The following CACNB4 variants were observed in gnomAD, a reference collection of about 807,000 sequenced individuals.
The protein encoded by CACNB4 is calcium voltage-gated channel auxiliary subunit beta 4.
CACNB4 carries 32 observed loss-of-function variants against 71.2 expected under a neutral mutation model. That is an observed-to-expected ratio of 0.45 (90% CI 0.34 to 0.60). CACNB4 has a LOEUF of 0.60. Ranked by LOEUF, CACNB4 falls within the 20% of genes least tolerant of loss-of-function variation. The pLI, the probability that CACNB4 is intolerant of heterozygous loss-of-function variation, is 0.01. For synonymous variants in CACNB4, 231 were observed against 236.9 expected (o/e 0.97, Z 0.23); for missense variants, 464 against 647.9 (o/e 0.72, Z 3.08).
At chr2:151,842,703 AC>A (rs1413718171) in intron 12 of CACNB4, among the ~76,000 whole-genome samples, 1 of 151,864 alleles carries the variant, frequency 6.6e-6, no homozygotes, top group Non-Finnish European at 1.5e-5. Flanking sequence ...TATGACAAAA[AC>A]CCACGTGTAT....
At chr2:152,036,763 A>ACACAAC (rs1684618610) in intron 2 of CACNB4, among the ~76,000 whole-genome samples, 1 of 152,140 alleles carries the variant, frequency 6.6e-6, no homozygotes, top group Admixed American at 6.5e-5. Context: ...CCATGTTTAG[A>ACACAAC]GTATTCTGTC....
At chr2:151,928,615 A>G (rs2099860846) in intron 2 of CACNB4, among the ~76,000 whole-genome samples, 2 of 152,198 alleles carry the variant, frequency 1.3e-5, no homozygotes, top group African/African-American at 4.8e-5. Context: ...TTCGTTTGGT[A>G]AATAGTTCCA....
chr2:151,948,379 G>A lies in CACNB4; in HGVS notation c.148-65009C>T, dbSNP rs2099866087. ...ACCTGAAGGTCCTAAAAACAGTCCA[G>A]ACCAGGTGCAGTGGTTCATGCCTGT... On this transcript the variant is annotated intron_variant, in intron 2 of 13. Coordinates refer to ENST00000539935, the MANE Select transcript of CACNB4 (RefSeq NM_000726.5). 2.6e-5 allele frequency among the ~76,000 whole-genome samples: 4 copies of A among 152,326 alleles called. No individual in the cohort carries two copies. The South Asian group carries it at 8.3e-4, about 32-fold the overall frequency.
chr2:151,882,052 TG>T (rs1441437329), intron 3 of CACNB4, among the ~76,000 whole-genome samples: 1 of 151,914 alleles, frequency 6.6e-6, no homozygotes, highest in Non-Finnish European at 1.5e-5. Flanking sequence ...AGCTATTTTT[TG>T]TATATTTAGT....
At chr2:152,009,107 C>T (rs1485203016) in intron 2 of CACNB4, among the ~76,000 whole-genome samples, 1 of 151,504 alleles carries the variant, frequency 6.6e-6, no homozygotes, top group Non-Finnish European at 1.5e-5. Context: ...GGGAGGATCG[C>T]TTGAGCCCAG....
At chr2:152,067,383 GT>G (rs1419693125) in intron 2 of CACNB4, among the ~76,000 whole-genome samples, 4 of 148,434 alleles carry the variant, frequency 2.7e-5, no homozygotes, top group African/African-American at 1.0e-4. Context: ...AGAGATGTGT[GT>G]GTGTGGGGGG....
intron 2 of CACNB4, among the ~76,000 whole-genome samples, chr2:151,965,200 A>G (rs962293088): frequency 6.6e-6 from 1 of 152,244 alleles, no homozygotes; most frequent in Non-Finnish European, 1.5e-5. Flanking sequence ...TAACCATTTT[A>G]GCATGACATT....
intron 2 of CACNB4, chr2:151,974,051 T>A (rs375361410): frequency 2.6e-5 from 24 of 930,196 alleles, no homozygotes; most frequent in Non-Finnish European, 3.2e-5. Context: ...CCTCGGAGAG[T>A]GGAGGGCGCC....
intron 2 of CACNB4, among the ~76,000 whole-genome samples, chr2:152,052,303 T>C (rs914301464): frequency 7.9e-5 from 12 of 151,862 alleles, no homozygotes; most frequent in Non-Finnish European, 7.3e-5. Flanking sequence ...ATTCACATTA[T>C]CTCTTTTTGT....
At chr2:151,992,439 C>A (rs141255271) in intron 2 of CACNB4, among the ~76,000 whole-genome samples, 1 of 152,268 alleles carries the variant, frequency 6.6e-6, no homozygotes, top group Non-Finnish European at 1.5e-5. Flanking sequence ...GAATTAAGAA[C>A]AAAATGCAAG....
intron 2 of CACNB4, among the ~76,000 whole-genome samples, chr2:152,023,107 T>C (rs1394750955): frequency 7.0e-6 from 1 of 142,898 alleles, no homozygotes; most frequent in East Asian, 2.1e-4. Context: ...AGGGGGTCCA[T>C]GAGGGGGTGA....
At chr2:152,069,882 G>T (rs1390645368) in intron 2 of CACNB4, among the ~76,000 whole-genome samples, 4 of 123,806 alleles carry the variant, frequency 3.2e-5, no homozygotes, top group African/African-American at 1.3e-4. Flanking sequence ...TCGCTCAGTC[G>T]CCCAGGCTGG....
At chr2:152,009,188 CAAAA>C (rs756023829) in intron 2 of CACNB4, among the ~76,000 whole-genome samples, 3 of 80,084 alleles carry the variant, frequency 3.7e-5, no homozygotes, top group Non-Finnish European at 8.0e-5. Flanking sequence ...GACCCTGTCT[CAAAA>C]AAAAAAAAAA....
At chr2:152,090,013 A>G (rs1005331590) in intron 2 of CACNB4, among the ~76,000 whole-genome samples, 1 of 152,204 alleles carries the variant, frequency 6.6e-6, no homozygotes. Flanking sequence ...CATGAATGTG[A>G]GTGAGTTGCA....
At chr2:151,992,875 C>G (rs1681788070) in intron 2 of CACNB4, among the ~76,000 whole-genome samples, 1 of 152,206 alleles carries the variant, frequency 6.6e-6, no homozygotes, top group African/African-American at 2.4e-5. Flanking sequence ...AGCCATGTCA[C>G]TAAAGATGCT....
chr2:152,037,559 T>C (rs969011870), intron 2 of CACNB4, among the ~76,000 whole-genome samples: 1 of 152,216 alleles, frequency 6.6e-6, no homozygotes, highest in Non-Finnish European at 1.5e-5. Context: ...TGCTCACACA[T>C]TTTGAAGTAT....
intron 2 of CACNB4, among the ~76,000 whole-genome samples, chr2:151,959,885 G>A (rs1470116760): frequency 1.3e-5 from 2 of 152,080 alleles, no homozygotes; most frequent in African/African-American, 4.8e-5. Flanking sequence ...TCTGATTCAA[G>A]GAGTTTCACA....
At chr2:151,876,752 T>G (rs2099846408) in intron 4 of CACNB4, among the ~76,000 whole-genome samples, 196 bp from the exon 5 acceptor site, 2 of 28,720 alleles carry the variant, frequency 7.0e-5, no homozygotes, top group South Asian at 2.5e-3. Flanking sequence ...TTTATATGTA[T>G]ATGTGTGTAT....
intron 2 of CACNB4, among the ~76,000 whole-genome samples, chr2:152,017,137 A>G (rs967174900): frequency 4.0e-5 from 6 of 149,780 alleles, no homozygotes; most frequent in African/African-American, 1.3e-4. Flanking sequence ...CACCCACTCC[A>G]ATAGTTATCA....
Sources: allele counts gnomAD v4.1 joint callset (sites outside exome capture counted in the v4.1 genomes callset), GRCh38; gene constraint gnomAD v4.1.1; transcripts MANE v1.5; gene names NCBI Gene and HGNC (gene_info 2026-07-23, HGNC 2026-07-21).